Variants in TARP observed in about 807,000 individuals in gnomAD.
At chr7:38,263,220 T>G in the TARP span, among the ~76,000 whole-genome samples, 1 of 151,982 alleles carries the variant, frequency 6.6e-6, no homozygotes, top group Non-Finnish European at 1.5e-5. Flanking sequence ...CATGCATTTT[T>G]TGTTTAATTC....
the TARP span, chr7:38,262,339 A>G: frequency 1.4e-6 from 1 of 739,098 alleles, no homozygotes; most frequent in Admixed American, 2.2e-5. Flanking sequence ...TGAGCCCACA[A>G]TTCCAGAAAC....
At chr7:38,263,319 G>A in the TARP span, among the ~76,000 whole-genome samples, 1 of 151,922 alleles carries the variant, frequency 6.6e-6, no homozygotes, top group Admixed American at 6.6e-5. Context: ...AACTTGCCGA[G>A]AATCATATCA....
At chr7:38,260,522 T>A in the TARP span, among the ~76,000 whole-genome samples, 1 of 150,124 alleles carries the variant, frequency 6.7e-6, no homozygotes, top group South Asian at 2.1e-4. Context: ...TGCTGATGTG[T>A]TAGGTAGTTG....
At chr7:38,264,003 C>T in the TARP span, among the ~76,000 whole-genome samples, 1 of 151,878 alleles carries the variant, frequency 6.6e-6, no homozygotes, top group Non-Finnish European at 1.5e-5. Context: ...TCACTTATTT[C>T]CATGCATTGA....
chr7:38,269,137 T>G, the TARP span, among the ~76,000 whole-genome samples: 675 of 151,964 alleles, frequency 4.4e-3, 8 homozygotes, highest in African/African-American at 0.016. Context: ...TAAACATGTC[T>G]TTGACCATCA....
At chr7:38,265,275 T>G in the TARP span, 1 of 1,132,258 alleles carries the variant, frequency 8.8e-7, no homozygotes, top group Non-Finnish European at 1.3e-6. Context: ...TGTTTTTCAT[T>G]AATACTGAAA....
chr7:38,271,559 G>A, the TARP span, among the ~76,000 whole-genome samples: 1 of 151,232 alleles, frequency 6.6e-6, no homozygotes, highest in African/African-American at 2.4e-5. Flanking sequence ...AAAAAAAAAG[G>A]CAAAGAAATT....
the TARP span, among the ~76,000 whole-genome samples, chr7:38,268,127 T>C: frequency 6.6e-6 from 1 of 151,576 alleles, no homozygotes; most frequent in Non-Finnish European, 1.5e-5. Context: ...AAAATGTACA[T>C]ATTAAGAGTT....
chr7:38,262,213 T>G, the TARP span: 2 of 1,611,298 alleles, frequency 1.2e-6, no homozygotes, highest in Non-Finnish European at 1.7e-6. Flanking sequence ...TCCATTGTGA[T>G]GACATCTAGA....
the TARP span, among the ~76,000 whole-genome samples, chr7:38,266,356 G>C: frequency 6.6e-6 from 1 of 151,608 alleles, no homozygotes; most frequent in Non-Finnish European, 1.5e-5. Flanking sequence ...GTCCAGGTTG[G>C]AATGCAGCGG....
chr7:38,264,566 G>C, the TARP span, among the ~76,000 whole-genome samples: 1 of 150,842 alleles, frequency 6.6e-6, no homozygotes, highest in Admixed American at 6.6e-5. Context: ...ACACCTGCTT[G>C]GGCAACAAGA....
At chr7:38,262,489 C>A in the TARP span, among the ~76,000 whole-genome samples, 1 of 151,352 alleles carries the variant, frequency 6.6e-6, no homozygotes, top group African/African-American at 2.4e-5. Context: ...ATTTACTTTT[C>A]CTTCTGTATT....
the TARP span, among the ~76,000 whole-genome samples, chr7:38,267,708 G>C: frequency 7.3e-5 from 11 of 150,350 alleles, no homozygotes; most frequent in Admixed American, 2.0e-4. Flanking sequence ...CCACCATATA[G>C]TTTGCTTCTA....
At chr7:38,272,723 G>C in the TARP span, among the ~76,000 whole-genome samples, 2 of 150,022 alleles carry the variant, frequency 1.3e-5, no homozygotes, top group Admixed American at 6.8e-5. Flanking sequence ...GAAAGTGCTA[G>C]CTCCAGGAGT....
the TARP span, among the ~76,000 whole-genome samples, chr7:38,268,204 A>G: frequency 2.6e-5 from 4 of 151,446 alleles, no homozygotes; most frequent in Admixed American, 2.6e-4. Flanking sequence ...TATTTTATTT[A>G]AAATAATAAA....
chr7:38,268,870 C>T, the TARP span, among the ~76,000 whole-genome samples: 24 of 151,028 alleles, frequency 1.6e-4, no homozygotes, highest in African/African-American at 5.6e-4. Context: ...CATAGTAGAT[C>T]CCATTGTCTC....
the TARP span, among the ~76,000 whole-genome samples, chr7:38,268,322 A>G: frequency 2.5e-4 from 38 of 151,810 alleles, 1 homozygote; most frequent in Admixed American, 1.3e-3. Context: ...AAAATGCAGC[A>G]TTGTAAATTT....
chr7:38,266,137 G>T, the TARP span, among the ~76,000 whole-genome samples: 1 of 151,490 alleles, frequency 6.6e-6, no homozygotes, highest in South Asian at 2.1e-4. Flanking sequence ...GAGACTCTTT[G>T]GTCCTTTTCC....
At chr7:38,270,351 T>C in the TARP span, among the ~76,000 whole-genome samples, 1 of 151,710 alleles carries the variant, frequency 6.6e-6, no homozygotes, top group African/African-American at 2.4e-5. Context: ...AAAGCCATCG[T>C]CCCCATCATC....
Sources: allele counts gnomAD v4.1 joint callset (sites outside exome capture counted in the v4.1 genomes callset), GRCh38; gene constraint gnomAD v4.1.1; transcripts MANE v1.5.